PDE4D: variants seen among roughly 807,000 people sequenced by gnomAD.
PDE4D encodes the protein 3',5'-cyclic-AMP phosphodiesterase 4D.
A neutral mutation model predicts 87.4 loss-of-function variants in PDE4D; 24 were observed. That is an observed-to-expected ratio of 0.27 (90% CI 0.20 to 0.39). PDE4D has a LOEUF of 0.39. PDE4D is among the 10% of genes least tolerant of loss of function. The pLI is 1.00. For missense variants in PDE4D, 714 were observed against 1,041.0 expected (o/e 0.69, Z 4.32); for synonymous variants, 384 against 383.2 (o/e 1.00, Z -0.02).
chr5:59,278,486 T>C (rs1458751494), intron 1 of PDE4D, among the ~76,000 whole-genome samples: 1 of 152,118 alleles, frequency 6.6e-6, no homozygotes, highest in African/African-American at 2.4e-5. Context: ...CACATTTCAA[T>C]AGACTGTACC....
At chr5:59,275,454 A>G in intron 1 of PDE4D, 1 of 1,573,036 alleles carries the variant, frequency 6.4e-7, no homozygotes, top group Non-Finnish European at 8.6e-7. Flanking sequence ...TGATTAATAC[A>G]TTCTAACTGT....
intron 2 of PDE4D, among the ~76,000 whole-genome samples, chr5:60,050,024 T>C (rs1769901851): frequency 6.6e-6 from 1 of 152,232 alleles, no homozygotes; most frequent in Non-Finnish European, 1.5e-5. Context: ...CGAGACTCTG[T>C]TGGCGTAGGA....
At chr5:60,315,867 C>A (rs1441150009) in intron 1 of PDE4D, among the ~76,000 whole-genome samples, 1 of 151,996 alleles carries the variant, frequency 6.6e-6, no homozygotes, top group African/African-American at 2.4e-5. Context: ...GGTACCAGTA[C>A]CATGCTGTTT....
intron 1 of PDE4D, among the ~76,000 whole-genome samples, chr5:59,305,166 C>T (rs1335712378): frequency 1.3e-5 from 2 of 152,046 alleles, no homozygotes; most frequent in Non-Finnish European, 2.9e-5. Context: ...TCTAGGTTTT[C>T]TAGTTTATGT....
At chr5:59,422,649 G>A (rs1794646777) in intron 1 of PDE4D, among the ~76,000 whole-genome samples, 1 of 152,144 alleles carries the variant, frequency 6.6e-6, no homozygotes, top group Non-Finnish European at 1.5e-5. Flanking sequence ...GTCTCTTATT[G>A]GATATAGAAA....
chr5:59,412,127 G>A (rs1792791303), intron 1 of PDE4D, among the ~76,000 whole-genome samples: 1 of 152,184 alleles, frequency 6.6e-6, no homozygotes, highest in South Asian at 2.1e-4. Context: ...ATACTTTAAA[G>A]CATAAAATAT....
chr5:59,935,503 G>T (rs1426400414), intron 3 of PDE4D, among the ~76,000 whole-genome samples: 1 of 152,114 alleles, frequency 6.6e-6, no homozygotes, highest in South Asian at 2.1e-4. Flanking sequence ...GAAATGAACC[G>T]AAGCATTTTA....
intron 1 of PDE4D, among the ~76,000 whole-genome samples, chr5:59,696,447 A>G (rs937135448): frequency 2.0e-5 from 3 of 152,218 alleles, no homozygotes; most frequent in African/African-American, 7.2e-5. Context: ...ATATCTTAAT[A>G]TACATTATAC....
In PDE4D at chr5:60,000,106, T is replaced by C. The variant is rs187722509; in HGVS notation, c.43-11389A>G. On this transcript the variant is annotated intron_variant, in intron 2 of 16. Coordinates refer to the PDE4D transcript ENST00000502484. The stretch of plus-strand genomic sequence containing the variant: ...AAACATATGGGACACCATCAAGTGT[T>C]CCAACATACACATAATGCAAATCTG... Among the ~76,000 whole-genome samples the C allele has an allele frequency of 2.7e-3, 413 of 151,864 alleles. 1 individual carries two copies. The highest frequency in any genetic ancestry group is 3.8e-3 in the Non-Finnish European group (256 of 67,962).
At chr5:60,201,924 A>G (rs1741964608) in intron 1 of PDE4D, among the ~76,000 whole-genome samples, 1 of 152,226 alleles carries the variant, frequency 6.6e-6, no homozygotes, top group African/African-American at 2.4e-5. Flanking sequence ...GGAACACAGG[A>G]TAATCAATTA....
intron 1 of PDE4D, among the ~76,000 whole-genome samples, chr5:59,289,132 C>A (rs1271222821): frequency 6.6e-6 from 1 of 151,964 alleles, no homozygotes; most frequent in Non-Finnish European, 1.5e-5. Flanking sequence ...ATAATAACTA[C>A]AACTATTTTT....
intron 1 of PDE4D, among the ~76,000 whole-genome samples, chr5:60,512,106 C>G (rs1248888130): frequency 5.9e-5 from 9 of 152,062 alleles, no homozygotes; most frequent in Non-Finnish European, 1.3e-4. Context: ...AAAACACATA[C>G]AAGGCAGGAT....
chr5:59,016,463 C>A (rs918377361), intron 6 of PDE4D, among the ~76,000 whole-genome samples: 3 of 149,908 alleles, frequency 2.0e-5, no homozygotes, highest in South Asian at 4.3e-4. Flanking sequence ...TGCCCCTTAC[C>A]CCAATTCTAA....
intron 1 of PDE4D, among the ~76,000 whole-genome samples, chr5:59,715,448 T>A (rs953816874): frequency 1.3e-5 from 2 of 152,232 alleles, no homozygotes; most frequent in East Asian, 3.9e-4. Flanking sequence ...GTGCTGCTAC[T>A]GCCTGGACTG....
upstream of PDE4D, chr5:60,488,214 A>T (rs571462895): frequency 1.3e-5 from 2 of 152,572 alleles, no homozygotes; most frequent in South Asian, 4.1e-4. Context: ...TCTACACATT[A>T]ATCTACTTAT....
intron 6 of PDE4D, among the ~76,000 whole-genome samples, chr5:59,035,756 G>T (rs1758399255): frequency 6.6e-6 from 1 of 152,160 alleles, no homozygotes. Context: ...TTCCAGGTTT[G>T]CCTGCCTCCA....
chr5:60,012,222 G>A (rs1031564560), intron 2 of PDE4D, among the ~76,000 whole-genome samples: 1 of 152,086 alleles, frequency 6.6e-6, no homozygotes, highest in African/African-American at 2.4e-5. Flanking sequence ...TTAATGGGCC[G>A]AATGAGAAGG....
intron 1 of PDE4D, among the ~76,000 whole-genome samples, chr5:59,798,574 G>T (rs933504390): frequency 6.6e-6 from 1 of 151,946 alleles, no homozygotes; most frequent in African/African-American, 2.4e-5. Flanking sequence ...GGTACGGAAG[G>T]GTAGGAATGA....
chr5:60,254,966 C>T (rs1050931817), intron 1 of PDE4D, among the ~76,000 whole-genome samples: 3 of 151,840 alleles, frequency 2.0e-5, no homozygotes, highest in Non-Finnish European at 2.9e-5. Flanking sequence ...CTCTCATTCT[C>T]ATAGCAAATA....
Sources: allele counts gnomAD v4.1 joint callset (sites outside exome capture counted in the v4.1 genomes callset), GRCh38; gene constraint gnomAD v4.1.1; transcripts MANE v1.5; gene names NCBI Gene and HGNC (gene_info 2026-07-23, HGNC 2026-07-21).